Variants in CCT5 observed in about 807,000 individuals in gnomAD.
The protein encoded by CCT5 is chaperonin containing TCP1 subunit 5.
CCT5 carries 6 observed loss-of-function variants against 55.0 expected under a neutral mutation model. The ratio of observed to expected loss-of-function variants is 0.11; its 90% CI spans 0.06 to 0.22. The LOEUF is 0.22. Ranked by LOEUF, CCT5 falls within the 10% of genes least tolerant of loss-of-function variation. The pLI is 1.00. For missense variants in CCT5, 560 were observed against 694.6 expected, an observed-to-expected ratio of 0.81 and a Z score of 2.18; for synonymous variants, 231 against 243.7, an observed-to-expected ratio of 0.95 and a Z score of 0.49.
intron 8 of CCT5, 154 bp downstream of exon 8, chr5:10,261,899 C>G: frequency 1.4e-6 from 1 of 734,016 alleles, no homozygotes; most frequent in South Asian, 1.5e-5. Context: ...TTACTGAAGA[C>G]CATGTTAAAT....
chr5:10,263,337 C>T (rs760880608), intron 10 of CCT5, 23 bp downstream of exon 10: 22 of 1,433,568 alleles, frequency 1.5e-5, no homozygotes, highest in African/African-American at 3.0e-5. Flanking sequence ...CACGCCTCTG[C>T]GTGGAGGGGG....
At position 10,266,360 on chromosome 5, in the gene CCT5, A is replaced by G. The variant is rs374738507; in HGVS notation, c.*1577A>G. The G allele has an allele frequency of 5.3e-5, 8 of 152,184 alleles. No homozygotes were observed. The East Asian group carries it at 9.6e-4, about 18-fold the overall frequency. 9.4% of individuals were successfully genotyped at this position (152,184 alleles called of 1,614,324 possible). On this transcript the variant is annotated 3_prime_UTR_variant, in exon 11 of 11. Coordinates refer to ENST00000280326, the MANE Select transcript of CCT5 (RefSeq NM_012073.5). ...TTCACAAGCCTTTGATTTTTGTTTC[A>G]TTTATTTGTAATAAACCTCTTCCAC... is the stretch of plus-strand genomic sequence containing the variant.
In CCT5 at chr5:10,265,893, T is replaced by A. The variant is rs1467340045; in HGVS notation, c.*1110T>A. 6.6e-6 allele frequency: 1 copy of A among 152,174 alleles called. No homozygotes were observed. Among genetic ancestry groups the A allele is most frequent in the Non-Finnish European group, 1.5e-5 (1 of 68,026 alleles). The allele number at this position is 152,174 out of a possible 1,614,324, so 9.4% of individuals were successfully genotyped here. A position where few individuals can be genotyped will look rare whatever the true frequency, so the allele number is the denominator to read the frequency against. The stretch of plus-strand genomic sequence containing the variant: ...TTATGCCACCTTAACTAGTCAGATT[T>A]CCTAGAATTAGGAAATGGTGACTCT... On this transcript the variant is annotated 3_prime_UTR_variant, in exon 11 of 11. Transcript: ENST00000280326.
At chr5:10,249,923 A>AAAAC, upstream of CCT5, 2 of 1,303,468 alleles carry the variant, frequency 1.5e-6, no homozygotes, top group Non-Finnish European at 2.0e-6. Context: ...AAAAAAAAAA[A>AAAAC]AAAAAAAAAA....
Position 10,262,557 on chromosome 5 carries a change from T to C in CCT5, c.1256T>C (p.Val419Ala). 6.2e-7 allele frequency: 1 copy of C among 1,614,138 alleles called. No individual in the cohort carries two copies. Among genetic ancestry groups the C allele is most frequent in the South Asian group, 1.1e-5 (1 of 91,086 alleles). ...AACCTCATCCGCGATAATCGTGTGGTGTATGGAGGAGGGGCTGCTGAGATA... is the reference window on the plus strand; with the variant it reads ...AACCTCATCCGCGATAATCGTGTGGCGTATGGAGGAGGGGCTGCTGAGATA... ...IRNLIRDNRV[V>A]YGGGAAEISC... The change falls in exon 9 of 11, where the codon GTG (valine) becomes GCG (alanine). Residue 419 changes from valine to alanine, a missense_variant. Physicochemically the swap from Val to Ala is moderately conservative, Grantham distance 64 (BLOSUM62 0). This residue lies in a region of CCT5 where 256 missense variants were observed against 372.4 expected (regional missense o/e 0.69). Transcript: ENST00000280326.
In CCT5 at chr5:10,260,813, C is replaced by G. The variant is rs141509761; in HGVS notation, c.895C>G (p.Leu299Val). Residue 299 changes from leucine (L) to valine (V), a missense_variant, in exon 7 of 11, where the codon CTA becomes GTA. Physicochemically the swap from Leu to Val is conservative, Grantham distance 32. Coordinates refer to ENST00000280326, the MANE Select transcript of CCT5 (RefSeq NM_012073.5). ...CCAGATTAAAGAGACTGGTGCTAAC[C>G]TAGCAATTTGTCAGTGGGGCTTTGA... ...IQQIKETGAN[L>V]AICQWGFDDE... 116 of 1,613,816 alleles carry G rather than the reference C, an allele frequency of 7.2e-5. 1 individual carries two copies. The African/African-American group carries it at 1.3e-3, about 19-fold the overall frequency.
chr5:10,260,789 C>T lies in CCT5; in HGVS notation c.874-3C>T, dbSNP rs1413012330. The T allele has an allele frequency of 1.9e-6, 3 of 1,613,138 alleles. No homozygotes were observed. In the African/African-American group the frequency reaches 4.0e-5, roughly 22 times the overall value. The stretch of plus-strand genomic sequence containing the variant: ...AATACGATTGTGGTGGTTCTTTTCC[C>T]AGATTAAAGAGACTGGTGCTAACCT... On this transcript the variant is annotated splice_region_variant and splice_polypyrimidine_tract_variant and intron_variant, in intron 6 of 10. Coordinates refer to ENST00000280326, the MANE Select transcript of CCT5 (RefSeq NM_012073.5).
At chr5:10,261,180 G>T in intron 7 of CCT5, 1 of 516,464 alleles carries the variant, frequency 1.9e-6, no homozygotes, top group Non-Finnish European at 3.5e-6. Context: ...TGGAAGACCT[G>T]GTCTCATCCA....
At chr5:10,257,278 C>T (rs904067447) in intron 4 of CCT5, among the ~76,000 whole-genome samples, 7 of 152,204 alleles carry the variant, frequency 4.6e-5, no homozygotes, top group Non-Finnish European at 8.8e-5. Context: ...CAGAGACTAG[C>T]TCCCTAGGCA....
In CCT5 at chr5:10,262,588, T is replaced by G. The variant is rs2126517078; in HGVS notation, c.1287T>G (p.Cys429Trp). ...GAGGAGGGGCTGCTGAGATATCCTG[T>G]GCCCTGGCAGTTAGCCAAGAGGCGG... ...VYGGGAAEISCALAVSQEADK... is the reference protein window; with the variant it reads ...VYGGGAAEISWALAVSQEADK... The change falls in exon 9 of 11, where the codon TGT becomes TGG. Residue 429 changes from cysteine (C) to tryptophan (W), a missense_variant. Physicochemically the swap from Cys to Trp is radical, Grantham distance 215. Coordinates refer to ENST00000280326, the MANE Select transcript of CCT5 (RefSeq NM_012073.5). 1 of 1,614,244 alleles carries G rather than the reference T, an allele frequency of 6.2e-7. No individual in the cohort carries two copies. Among genetic ancestry groups the G allele is most frequent in the South Asian group, 1.1e-5 (1 of 91,088 alleles).
chr5:10,261,661 G>T lies in CCT5; in HGVS notation c.1095G>T (p.Gly365=), dbSNP rs761888593. The T allele has an allele frequency of 6.2e-7, 1 of 1,614,106 alleles. No homozygotes were observed. The highest frequency in any genetic ancestry group is 1.1e-5 in the South Asian group (1 of 91,076). The change falls in exon 8 of 11, where the codon GGG becomes GGT. Residue 365 remains glycine (G), a synonymous_variant. Coordinates refer to ENST00000280326, the MANE Select transcript of CCT5 (RefSeq NM_012073.5). ...FAGLVQEISF[G]TTKDKMLVIE... Reference sequence around the variant, plus strand: ...GTCTTGTACAGGAGATCTCATTTGGGACAACTAAGGATAAAATGCTGGTCA... The same window carrying T: ...GTCTTGTACAGGAGATCTCATTTGGTACAACTAAGGATAAAATGCTGGTCA...
chr5:10,254,352 C>G, intron 2 of CCT5, 147 bp downstream of exon 2: 1 of 648,726 alleles, frequency 1.5e-6, no homozygotes, highest in South Asian at 1.6e-5. Context: ...TTTCAGGTTT[C>G]TTAAACATGG....
At position 10,261,296 on chromosome 5, in the gene CCT5, T is replaced by G. The variant is rs2607316; in HGVS notation, c.994-264T>G. On this transcript the variant is annotated intron_variant, in intron 7 of 10. Coordinates refer to ENST00000280326, the MANE Select transcript of CCT5 (RefSeq NM_012073.5). Reference sequence around the variant, plus strand: ...CCAGAGTGAGGGAGGGCTGCACAGATGGGAGATGAGGGTATGAGCTTAGGG... The same window carrying G: ...CCAGAGTGAGGGAGGGCTGCACAGAGGGGAGATGAGGGTATGAGCTTAGGG... The G allele has an allele frequency of 0.8, 417,109 of 518,488 alleles. 171,047 individuals carry two copies. Among genetic ancestry groups the G allele is most frequent in the East Asian group, 0.89 (24,716 of 27,866 alleles). 32.1% of individuals were successfully genotyped at this position (518,488 alleles called of 1,614,324 possible). A position where few individuals can be genotyped will look rare whatever the true frequency, so the allele number is the denominator to read the frequency against.
At chr5:10,254,591 G>A (rs1180511736) in intron 2 of CCT5, 83 bp from the exon 3 acceptor site, 2 of 1,166,438 alleles carry the variant, frequency 1.7e-6, no homozygotes, top group African/African-American at 3.0e-5. Flanking sequence ...ACAGATAAGA[G>A]CTGGGTCAGG....
Position 10,254,224 on chromosome 5 carries a change from G to C in CCT5, c.166+19G>C, listed in dbSNP as rs200807677. The C allele has an allele frequency of 4.0e-6, 6 of 1,512,510 alleles. No individual in the cohort carries two copies. Among genetic ancestry groups the C allele is most frequent in the Non-Finnish European group, 5.5e-6 (6 of 1,087,752 alleles). 93.7% of individuals were successfully genotyped at this position (1,512,510 alleles called of 1,614,324 possible). On this transcript the variant is annotated intron_variant, in intron 2 of 10. Transcript: ENST00000280326. The stretch of plus-strand genomic sequence containing the variant: ...CCAAATGGTAAGAGTCCACCATTCC[G>C]TGTTTTTTAGCAAAAGATTTAAATT...
In CCT5 at chr5:10,254,712, A is replaced by T. The variant is rs1745590005; in HGVS notation, c.205A>T (p.Thr69Ser). Residue 69 changes from threonine (T) to serine (S), a missense_variant, in exon 3 of 11, where the codon ACT becomes TCT. Thr to Ser is a moderately conservative substitution (Grantham distance 58, BLOSUM62 1). Transcript: ENST00000280326. ...KMMVDKDGDV[T>S]VTNDGATILS... The stretch of plus-strand genomic sequence containing the variant: ...GATGGTGGATAAGGATGGAGATGTG[A>T]CTGTAACTAATGATGGGGCCACCAT... 3.1e-6 allele frequency: 5 copies of T among 1,613,544 alleles called. No homozygotes were observed. The highest frequency in any genetic ancestry group is 4.2e-6 in the Non-Finnish European group (5 of 1,179,690).
chr5:10,263,344 G>A lies in CCT5; in HGVS notation c.1498+30G>A, dbSNP rs79814135. 27 of 1,456,470 alleles carry A rather than the reference G, an allele frequency of 1.9e-5. 7 individuals are homozygous for A. The highest frequency in any genetic ancestry group is 4.6e-5 in the South Asian group (4 of 86,118). 90.2% of individuals were successfully genotyped at this position (1,456,470 alleles called of 1,614,324 possible). A position where few individuals can be genotyped will look rare whatever the true frequency, so the allele number is the denominator to read the frequency against. On this transcript the variant is annotated intron_variant, in intron 10 of 10. Transcript: ENST00000280326. ...GGAGCTGTCACGCCTCTGCGTGGAG[G>A]GGGGGGGATGTCTGATTTAAACTGA...
In CCT5 at chr5:10,266,061, A is replaced by G. The variant is rs1746216936; in HGVS notation, c.*1278A>G. ...CTAAATAACTCCTGTGGATTTAGGA[A>G]TGTGTGCTAATAGCAATCTTCCTAA... On this transcript the variant is annotated 3_prime_UTR_variant, in exon 11 of 11. Transcript: ENST00000280326. The G allele has an allele frequency of 1.3e-5, 2 of 152,194 alleles. No homozygotes were observed. Among genetic ancestry groups the G allele is most frequent in the South Asian group, 4.1e-4 (2 of 4,832 alleles). The allele number at this position is 152,194 out of a possible 1,614,324, so 9.4% of individuals were successfully genotyped here. A position where few individuals can be genotyped will look rare whatever the true frequency, so the allele number is the denominator to read the frequency against.
intron 4 of CCT5, among the ~76,000 whole-genome samples, chr5:10,256,679 CCT>C (rs1392106518): frequency 4.4e-5 from 4 of 91,060 alleles, no homozygotes; most frequent in East Asian, 4.0e-4. Flanking sequence ...AGAGCGAGAC[CCT>C]GTCTCAAAAA....
Sources: gnomAD v4.1 joint callset for allele counts (sites outside exome capture counted in the v4.1 genomes callset) on GRCh38, gnomAD v4.1.1 for gene constraint, gnomAD v4.1.1 regional missense constraint, MANE v1.5 for transcripts, NCBI Gene and HGNC (gene_info 2026-07-23, HGNC 2026-07-21) for gene names.